Variants in PALD1 observed in about 807,000 individuals in gnomAD.
PALD1 encodes paladin.
Under a neutral mutation model 96.0 loss-of-function variants are expected in PALD1, and 57 were observed. That is an observed-to-expected ratio of 0.59 (90% confidence interval 0.48 to 0.74). The LOEUF (loss-of-function observed/expected upper bound fraction) is 0.74. Ranked by LOEUF, PALD1 falls within the 30% of genes least tolerant of loss-of-function variation. PALD1 has a pLI of 0.00. For missense variants in PALD1, 1,063 were observed against 1,143.7 expected (o/e 0.93, Z 1.02); for synonymous variants, 464 against 473.6 (o/e 0.98, Z 0.26).
chr10:70,555,292 A>G (rs1414185733), intron 18 of PALD1, among the ~76,000 whole-genome samples: 1 of 151,898 alleles, frequency 6.6e-6, no homozygotes, highest in Non-Finnish European at 1.5e-5. Context: ...GAGTTTTCTA[A>G]GAACTCACCT....
At chr10:70,464,912 G>C in the PALD1 span, among the ~76,000 whole-genome samples, 5 of 151,728 alleles carry the variant, frequency 3.3e-5, no homozygotes, top group Middle Eastern at 0.017. Flanking sequence ...ACAGGAGTGA[G>C]CCGCCATGCC....
At position 70,551,197 on chromosome 10, in the gene PALD1, G is replaced by T. The variant is rs147376216; in HGVS notation, c.2262+3751G>T. Among the ~76,000 whole-genome samples, 1,415 of 152,302 alleles carry T rather than the reference G, an allele frequency of 9.3e-3. 27 individuals are homozygous for T. Among genetic ancestry groups the T allele is most frequent in the African/African-American group, 0.033 (1,357 of 41,558 alleles). On this transcript the variant is annotated intron_variant, in intron 18 of 19. Coordinates refer to ENST00000263563, the MANE Select transcript of PALD1 (RefSeq NM_014431.3). ...TGTGCGGAGTCTCTAGAAAGGCAGC[G>T]GCCCCTACCACCCCTTCTCTCTAAT... is the stretch of plus-strand genomic sequence containing the variant.
intron 1 of PALD1, among the ~76,000 whole-genome samples, chr10:70,496,273 T>C (rs1471816428): frequency 6.6e-6 from 1 of 152,120 alleles, no homozygotes; most frequent in Non-Finnish European, 1.5e-5. Flanking sequence ...TTTTATTTTG[T>C]CAATTGAGAT....
intron 1 of PALD1, among the ~76,000 whole-genome samples, chr10:70,497,765 C>G (rs1846221196): frequency 6.6e-6 from 1 of 151,972 alleles, no homozygotes; most frequent in Admixed American, 6.6e-5. Context: ...TTAGTAGAAA[C>G]AGCGTTTTAC....
rs964484344 is a variant in PALD1 at position 70,539,464 on chromosome 10, G to A, written c.1726-116G>A. 8 of 1,088,062 alleles carry A rather than the reference G, an allele frequency of 7.4e-6. No homozygotes were observed. The highest frequency in any genetic ancestry group is 9.0e-6 in the Non-Finnish European group (7 of 778,036). The allele number at this position is 1,088,062 out of a possible 1,614,324, so 67.4% of individuals were successfully genotyped here. On this transcript the variant is annotated intron_variant, in intron 14 of 19. Coordinates refer to ENST00000263563, the MANE Select transcript of PALD1 (RefSeq NM_014431.3). This position sits in a 1 kb window ranked among gnomAD's most constrained non-coding sequence, Gnocchi z 4.5. ...GGCTGTGACCCCTGAGGCTTGGGGG[G>A]GTCAGGGATGGGACTGGAAGCCAGG...
At position 70,562,906 on chromosome 10, in the gene PALD1, C is replaced by A. The variant is rs1424812491; in HGVS notation, c.2263-1458C>A. Among the ~76,000 whole-genome samples, 16 of 152,142 alleles carry A rather than the reference C, an allele frequency of 1.1e-4. 1 individual carries two copies. Among genetic ancestry groups the A allele is most frequent in the Non-Finnish European group, 1.5e-5 (1 of 68,036 alleles). On this transcript the variant is annotated intron_variant, in intron 18 of 19. Coordinates refer to ENST00000263563, the MANE Select transcript of PALD1 (RefSeq NM_014431.3). ...CCCTGACTCCCCAAATCATGGAGAA[C>A]CTAGAAGGGACCCTCTTTAAGTTCC... is the stretch of plus-strand genomic sequence containing the variant.
intron 18 of PALD1, among the ~76,000 whole-genome samples, chr10:70,554,686 G>A (rs1361911768): frequency 6.6e-6 from 1 of 151,866 alleles, no homozygotes; most frequent in Admixed American, 6.5e-5. Flanking sequence ...AATCATTAAT[G>A]CCAGCGACAC....
the PALD1 span, among the ~76,000 whole-genome samples, chr10:70,458,612 A>G: frequency 1.3e-5 from 2 of 151,108 alleles, no homozygotes; most frequent in Non-Finnish European, 3.0e-5. Context: ...GCCAAGGGGG[A>G]CCCGCCCCTC....
At chr10:70,519,625 A>G (rs1423327527) in intron 1 of PALD1, among the ~76,000 whole-genome samples, 3 of 146,458 alleles carry the variant, frequency 2.0e-5, no homozygotes, top group Non-Finnish European at 4.5e-5. Flanking sequence ...CCCAGGCTAG[A>G]GTGCAGTGGC....
At chr10:70,474,776 A>C (rs1845802465), upstream of PALD1, among the ~76,000 whole-genome samples, 1 of 152,204 alleles carries the variant, frequency 6.6e-6, no homozygotes. Flanking sequence ...CAATAAAATG[A>C]ATAATCCTGC....
At chr10:70,494,685 G>A (rs1846159834) in intron 1 of PALD1, among the ~76,000 whole-genome samples, 1 of 152,232 alleles carries the variant, frequency 6.6e-6, no homozygotes, top group Non-Finnish European at 1.5e-5. Context: ...TGTTCCCGTG[G>A]GCGGGGGCTT....
At chr10:70,476,043 G>A (rs762935430), upstream of PALD1, among the ~76,000 whole-genome samples, 2 of 152,228 alleles carry the variant, frequency 1.3e-5, no homozygotes, top group Admixed American at 6.5e-5. Context: ...ATAACATGGT[G>A]TCTTGGACGT....
intron 1 of PALD1, among the ~76,000 whole-genome samples, chr10:70,520,692 T>TTC (rs1846715588): frequency 7.1e-6 from 1 of 141,612 alleles, no homozygotes; most frequent in South Asian, 2.3e-4. Context: ...TTTCTTTTTT[T>TTC]TTTTTTTTTT....
chr10:70,467,898 T>C, the PALD1 span, among the ~76,000 whole-genome samples: 107 of 152,174 alleles, frequency 7.0e-4, no homozygotes, highest in Non-Finnish European at 1.2e-3. Flanking sequence ...GCCCTGGGGC[T>C]CATTGTGGCA....
At position 70,529,300 on chromosome 10, in the gene PALD1, C is replaced by G. The variant is rs371124402; in HGVS notation, c.257C>G (p.Ser86Trp). 5 of 1,590,184 alleles carry G rather than the reference C, an allele frequency of 3.1e-6. No individual in the cohort carries two copies. Among genetic ancestry groups the G allele is most frequent in the Non-Finnish European group, 4.3e-6 (5 of 1,165,936 alleles). ...GCTCATTACACGTTGGGCCGGCTCT[C>G]GGACAACACCCCTGAGCACTACCTG... is the stretch of plus-strand genomic sequence containing the variant. ...LKAHYTLGRL[S>W]DNTPEHYLVQ... Residue 86 changes from serine (S) to tryptophan (W), a missense_variant, in exon 3 of 20, where the codon TCG becomes TGG. Physicochemically the swap from Ser to Trp is radical, Grantham distance 177 (BLOSUM62 -3). Transcript: ENST00000263563.
At chr10:70,498,752 C>G (rs781741029) in intron 1 of PALD1, among the ~76,000 whole-genome samples, 1 of 151,962 alleles carries the variant, frequency 6.6e-6, no homozygotes, top group East Asian at 1.9e-4. Flanking sequence ...CATGGTAAAA[C>G]CCGGTTTCTA....
At position 70,540,244 on chromosome 10, in the gene PALD1, A is replaced by T. The variant is rs1564704274; in HGVS notation, c.1908+482A>T. On this transcript the variant is annotated intron_variant, in intron 15 of 19. Transcript: ENST00000263563. This position sits in a 1 kb window ranked among gnomAD's most constrained non-coding sequence, Gnocchi z 4.2. ...AGGGTGTCCGTGGTGTGTGTGTCTC[A>T]GTTGGGGGACTGTGTATGGAGTGTG... is the stretch of plus-strand genomic sequence containing the variant. Among the ~76,000 whole-genome samples the T allele has an allele frequency of 6.6e-6, 1 of 150,682 alleles. No individual in the cohort carries two copies. The highest frequency in any genetic ancestry group is 6.6e-5 in the Admixed American group (1 of 15,138).
chr10:70,523,043 C>G (rs1846770274), intron 1 of PALD1, among the ~76,000 whole-genome samples: 2 of 152,228 alleles, frequency 1.3e-5, no homozygotes, highest in African/African-American at 4.8e-5. Context: ...TTGCACCCCC[C>G]TCTAGATATT....
At chr10:70,505,435 C>G (rs1040788938) in intron 1 of PALD1, among the ~76,000 whole-genome samples, 3 of 151,878 alleles carry the variant, frequency 2.0e-5, no homozygotes, top group African/African-American at 7.3e-5. Flanking sequence ...AACCCCATCT[C>G]TACTAAAAAA....
Sources: allele counts gnomAD v4.1 joint callset (sites outside exome capture counted in the v4.1 genomes callset), GRCh38; gene constraint gnomAD v4.1.1; non-coding constraint Gnocchi (gnomAD v3.1); transcripts MANE v1.5; gene names NCBI Gene and HGNC (gene_info 2026-07-23, HGNC 2026-07-21).